Variants in LDLRAD3 observed in about 807,000 individuals in gnomAD.
LDLRAD3 encodes the protein low-density lipoprotein receptor class A domain-containing protein 3.
LDLRAD3 carries 20 observed loss-of-function variants against 29.4 expected under a neutral mutation model. The ratio of observed to expected loss-of-function variants is 0.68; its 90% CI spans 0.48 to 0.99. LDLRAD3 has a LOEUF of 0.99. LDLRAD3 is among the 50% of genes least tolerant of loss of function. The pLI is 0.00. For missense variants in LDLRAD3, 420 were observed against 454.3 expected (o/e 0.92, Z 0.69); for synonymous variants, 157 against 192.7 (o/e 0.81, Z 1.53).
chr11:35,981,291 G>A (rs1373087336), intron 1 of LDLRAD3, among the ~76,000 whole-genome samples: 1 of 152,084 alleles, frequency 6.6e-6, no homozygotes, highest in Non-Finnish European at 1.5e-5. Flanking sequence ...AGTAACTTGG[G>A]ACTATAACTT....
chr11:36,151,733 C>A (rs567495911), intron 4 of LDLRAD3, among the ~76,000 whole-genome samples: 12 of 152,320 alleles, frequency 7.9e-5, no homozygotes, highest in African/African-American at 1.9e-4. Context: ...ACATCAGTGT[C>A]TGTAGTAGAG....
chr11:36,207,090 T>A lies in LDLRAD3; in HGVS notation c.455-19995T>A, dbSNP rs544221939. Among the ~76,000 whole-genome samples, 13 of 152,312 alleles carry A rather than the reference T, an allele frequency of 8.5e-5. No homozygotes were observed. The South Asian group carries it at 2.7e-3, about 32-fold the overall frequency. ...ATCTCTCATGTGATTGCACTTCTTC[T>A]GTCTGCTGGAACTGTGGTCTCATCT... On this transcript the variant is annotated intron_variant, in intron 4 of 5. Transcript: ENST00000315571.
intron 5 of LDLRAD3, among the ~76,000 whole-genome samples, chr11:36,228,670 C>A (rs1235190566): frequency 2.0e-5 from 3 of 152,222 alleles, no homozygotes; most frequent in Admixed American, 1.3e-4. Flanking sequence ...CTGTTAAATT[C>A]ATTCCTTTTA....
intron 4 of LDLRAD3, among the ~76,000 whole-genome samples, chr11:36,153,993 G>A (rs995764829): frequency 3.0e-4 from 46 of 152,238 alleles, no homozygotes; most frequent in African/African-American, 1.1e-3. Flanking sequence ...AGTGGGGTGT[G>A]GGGGAGTTGG....
Position 36,132,070 on chromosome 11 carries a change from C to A in LDLRAD3, c.454+33609C>A, listed in dbSNP as rs574040343. ...AATCAGCTGGGATTTTTTTTTTTTTCCAGCTCTGATCCCTTGGAAACTTAC... is the reference window on the plus strand; with the variant it reads ...AATCAGCTGGGATTTTTTTTTTTTTACAGCTCTGATCCCTTGGAAACTTAC... On this transcript the variant is annotated intron_variant, in intron 4 of 5. Transcript: ENST00000315571. Among the ~76,000 whole-genome samples, 201 of 138,484 alleles carry A rather than the reference C, an allele frequency of 1.5e-3. 1 individual carries two copies. The highest frequency in any genetic ancestry group is 5.0e-3 in the African/African-American group (189 of 37,672). The allele number at this position is 138,484 out of a possible 152,430, so 90.9% of individuals were successfully genotyped here.
chr11:36,199,236 T>C (rs1404806567), intron 4 of LDLRAD3, among the ~76,000 whole-genome samples: 1 of 152,142 alleles, frequency 6.6e-6, no homozygotes, highest in African/African-American at 2.4e-5. Context: ...TTCATATTCC[T>C]GGAGCCAGAG....
At chr11:36,174,598 A>G (rs1216396257) in intron 4 of LDLRAD3, among the ~76,000 whole-genome samples, 1 of 152,254 alleles carries the variant, frequency 6.6e-6, no homozygotes, top group Non-Finnish European at 1.5e-5. Flanking sequence ...CATGCAGCCA[A>G]CAGACACATG....
intron 1 of LDLRAD3, among the ~76,000 whole-genome samples, chr11:35,989,385 A>G (rs2133165346): frequency 6.6e-6 from 1 of 152,220 alleles, no homozygotes; most frequent in South Asian, 2.1e-4. Flanking sequence ...GAATTTTAGA[A>G]TTACTTTTCT....
intron 1 of LDLRAD3, among the ~76,000 whole-genome samples, chr11:36,012,213 G>A (rs1339900207): frequency 6.6e-6 from 1 of 152,126 alleles, no homozygotes; most frequent in East Asian, 1.9e-4. Context: ...TTCTGTCCAT[G>A]TGTTCCACCT....
At chr11:36,016,481 TTAA>T (rs554330701) in intron 1 of LDLRAD3, among the ~76,000 whole-genome samples, 62 of 151,086 alleles carry the variant, frequency 4.1e-4, no homozygotes, top group African/African-American at 1.4e-3. Flanking sequence ...GTTTTGTTTC[TTAA>T]TGTTAAAGGA....
Position 36,229,865 on chromosome 11 carries a change from A to G in LDLRAD3, c.*468A>G, listed in dbSNP as rs543138211. ...CCATCACTGGATGGTCACCCCCCCAAAAAAATTCCATTTGAGCATCAAAAC... is the reference window on the plus strand; with the variant it reads ...CCATCACTGGATGGTCACCCCCCCAGAAAAATTCCATTTGAGCATCAAAAC... On this transcript the variant is annotated 3_prime_UTR_variant, in exon 6 of 6. Transcript: ENST00000315571. 1.3e-5 allele frequency: 2 copies of G among 155,814 alleles called. No homozygotes were observed. The highest frequency in any genetic ancestry group is 2.8e-5 in the Non-Finnish European group (2 of 70,602). 9.7% of individuals were successfully genotyped at this position (155,814 alleles called of 1,614,324 possible). A position where few individuals can be genotyped will look rare whatever the true frequency, so the allele number is the denominator to read the frequency against.
At chr11:36,214,381 T>C (rs1855324564) in intron 4 of LDLRAD3, among the ~76,000 whole-genome samples, 1 of 152,230 alleles carries the variant, frequency 6.6e-6, no homozygotes, top group Non-Finnish European at 1.5e-5. Context: ...CTGCCTGCAC[T>C]GGCCCCACAC....
At chr11:36,103,602 C>T (rs1264166749) in intron 4 of LDLRAD3, among the ~76,000 whole-genome samples, 1 of 152,106 alleles carries the variant, frequency 6.6e-6, no homozygotes, top group Non-Finnish European at 1.5e-5. Flanking sequence ...TGCCCTAAGA[C>T]GTTCAGTGAA....
At chr11:36,128,477 G>T (rs1029167647) in intron 4 of LDLRAD3, among the ~76,000 whole-genome samples, 4 of 152,142 alleles carry the variant, frequency 2.6e-5, no homozygotes, top group Admixed American at 6.5e-5. Context: ...AGAAGCCCGT[G>T]CACCTGGGAA....
At chr11:36,195,050 G>A (rs1855011921) in intron 4 of LDLRAD3, among the ~76,000 whole-genome samples, 1 of 152,194 alleles carries the variant, frequency 6.6e-6, no homozygotes, top group Non-Finnish European at 1.5e-5. Flanking sequence ...CAAAGTGGGA[G>A]TGAGGACCAT....
chr11:36,217,827 G>T (rs974785756), intron 4 of LDLRAD3, among the ~76,000 whole-genome samples: 1 of 152,144 alleles, frequency 6.6e-6, no homozygotes, highest in Non-Finnish European at 1.5e-5. Flanking sequence ...CTTCAACTTC[G>T]CATGGCCTTT....
intron 4 of LDLRAD3, among the ~76,000 whole-genome samples, chr11:36,216,075 T>TGC (rs1165072895): frequency 6.6e-6 from 1 of 152,202 alleles, no homozygotes; most frequent in African/African-American, 2.4e-5. Flanking sequence ...CTGCTCCCAG[T>TGC]GCTTGGCCAT....
intron 1 of LDLRAD3, among the ~76,000 whole-genome samples, chr11:35,974,994 G>A (rs929420431): frequency 1.3e-5 from 2 of 152,230 alleles, no homozygotes; most frequent in Non-Finnish European, 2.9e-5. Context: ...TAAATGCAAT[G>A]GGGCTGAGCT....
At chr11:35,947,207 C>G (rs1426685098) in intron 1 of LDLRAD3, among the ~76,000 whole-genome samples, 1 of 152,184 alleles carries the variant, frequency 6.6e-6, no homozygotes, top group East Asian at 1.9e-4. Context: ...CAAGTAATTT[C>G]ATGTTAAAGA....
Sources: gnomAD v4.1 joint callset for allele counts (sites outside exome capture counted in the v4.1 genomes callset) on GRCh38, gnomAD v4.1.1 for gene constraint, MANE v1.5 for transcripts, NCBI Gene and HGNC (gene_info 2026-07-23, HGNC 2026-07-21) for gene names.